The following CLVS1 variants were observed in gnomAD, a reference collection of about 807,000 sequenced individuals.
CLVS1 encodes the protein clavesin-1.
CLVS1 carries 10 observed loss-of-function variants against 33.1 expected under a neutral mutation model. The observed-to-expected ratio is 0.30, with a 90% CI of 0.19 to 0.51. The LOEUF is 0.51. Among genes scored for constraint, CLVS1 ranks in the 20% least tolerant of loss-of-function variants. The pLI is 0.97. For missense variants in CLVS1, 343 were observed against 433.4 expected, an observed-to-expected ratio of 0.79 and a Z score of 1.85; for synonymous variants, 163 against 166.1, an observed-to-expected ratio of 0.98 and a Z score of 0.14.
rs1417611137 is a variant in CLVS1, at chr8:61,458,430, G to A, written c.865G>A (p.Gly289Ser). Reference sequence around the variant, plus strand: ...GGGAACTTGGGCCCGGACGTTACTCGGTCCCGACTACAGCGATGAAAATGA... The same window carrying A: ...GGGAACTTGGGCCCGGACGTTACTCAGTCCCGACTACAGCGATGAAAATGA... Reference protein sequence around the residue: ...DMGTWARTLLGPDYSDENDYT... With the variant: ...DMGTWARTLLSPDYSDENDYT... The change falls in exon 5 of 6, where the codon GGT becomes AGT. Residue 289 changes from glycine to serine, a missense_variant. By Grantham distance (56) the Gly-to-Ser change is moderately conservative. Around this residue, in one of 4 missense-constraint regions of CLVS1, gnomAD observed 86 missense variants for 95.0 expected, o/e 0.91. Coordinates refer to ENST00000325897, the MANE Select transcript of CLVS1 (RefSeq NM_173519.3). 2.5e-6 allele frequency: 4 copies of A among 1,613,986 alleles called. No homozygotes were observed. Among genetic ancestry groups the A allele is most frequent in the East Asian group, 2.2e-5 (1 of 44,868 alleles).
At chr8:61,449,831 C>T (rs979792944) in intron 3 of CLVS1, among the ~76,000 whole-genome samples, 1 of 152,160 alleles carries the variant, frequency 6.6e-6, no homozygotes. Flanking sequence ...TTCTTCTCTC[C>T]ACCTTTGAAG....
At chr8:60,967,533 G>T in the CLVS1 span, 3 of 410,964 alleles carry the variant, frequency 7.3e-6, no homozygotes, top group Non-Finnish European at 1.5e-5. Flanking sequence ...GAAGGGGACG[G>T]CTTGAGGTGT....
chr8:61,289,274 G>T (rs765618591), intron 1 of CLVS1, among the ~76,000 whole-genome samples: 5 of 152,212 alleles, frequency 3.3e-5, no homozygotes, highest in African/African-American at 4.8e-5. Context: ...ACTCCATTCT[G>T]CCAGGCTCTG....
the CLVS1 span, among the ~76,000 whole-genome samples, chr8:61,025,372 C>T: frequency 1.3e-5 from 2 of 152,210 alleles, no homozygotes; most frequent in Admixed American, 1.3e-4. Flanking sequence ...TCATTCTACT[C>T]TTCAAGCAAG....
the CLVS1 span, among the ~76,000 whole-genome samples, chr8:61,012,973 G>A: frequency 6.6e-6 from 1 of 152,180 alleles, no homozygotes. Context: ...CCTGCCGGAG[G>A]GAAACTTGTC....
At position 61,355,844 on chromosome 8, in the gene CLVS1, TG is replaced by T. The variant is rs530681101; in HGVS notation, c.456-20760del. ...GACATTTGGGTTGGTTCCAAGTTTT[TG>T]CTATTGTGAATAGTGCCGCAATAAA... On this transcript the variant is annotated intron_variant, in intron 2 of 5. Transcript: ENST00000325897. 6.2e-3 allele frequency among the ~76,000 whole-genome samples: 952 copies of T among 152,362 alleles called. 12 individuals carry two copies. The highest frequency in any genetic ancestry group is 0.026 in the Admixed American group (399 of 15,302).
At chr8:61,337,532 A>G (rs1427500258) in intron 2 of CLVS1, among the ~76,000 whole-genome samples, 1 of 152,108 alleles carries the variant, frequency 6.6e-6, no homozygotes, top group African/African-American at 2.4e-5. Flanking sequence ...CCGCCCTTCC[A>G]AAAGCACAAC....
intron 2 of CLVS1, among the ~76,000 whole-genome samples, chr8:61,339,153 A>G (rs547789364): frequency 6.6e-6 from 1 of 152,236 alleles, no homozygotes; most frequent in South Asian, 2.1e-4. Context: ...GGAGGCCAGC[A>G]TGAGCTGCTA....
chr8:61,195,477 T>A (rs1268016095), intron 2 of CLVS1, among the ~76,000 whole-genome samples: 1 of 152,094 alleles, frequency 6.6e-6, no homozygotes, highest in African/African-American at 2.4e-5. Flanking sequence ...CAGCTGGTGC[T>A]TGCTTAGTTT....
Position 61,407,562 on chromosome 8 carries a change from AACG to A in CLVS1, c.630+30785_630+30787del, listed in dbSNP as rs1321447130. Among the ~76,000 whole-genome samples the A allele has an allele frequency of 5.3e-5, 8 of 152,350 alleles. 1 individual carries two copies. Among genetic ancestry groups the A allele is most frequent in the African/African-American group, 1.4e-4 (6 of 41,584 alleles). ...AAAGAAACATTTCATTGTGGGTGACAACGAATTTTGTGCAACTGATTTTTAAAT... is the reference window on the plus strand; with the variant it reads ...AAAGAAACATTTCATTGTGGGTGACAAATTTTGTGCAACTGATTTTTAAAT... On this transcript the variant is annotated intron_variant, in intron 3 of 5. Coordinates refer to ENST00000325897, the MANE Select transcript of CLVS1 (RefSeq NM_173519.3).
At chr8:61,342,627 A>G (rs1382322962) in intron 2 of CLVS1, among the ~76,000 whole-genome samples, 1 of 152,210 alleles carries the variant, frequency 6.6e-6, no homozygotes, top group Non-Finnish European at 1.5e-5. Context: ...ACCTTTGGCG[A>G]AAAACATGAG....
intron 3 of CLVS1, among the ~76,000 whole-genome samples, chr8:61,453,899 G>A (rs190581530): frequency 9.7e-4 from 147 of 152,266 alleles, no homozygotes; most frequent in Middle Eastern, 3.4e-3. Context: ...AAAAAGACAG[G>A]CCTGGAACCC....
intron 2 of CLVS1, among the ~76,000 whole-genome samples, chr8:61,177,315 G>T (rs1321413194): frequency 6.6e-6 from 1 of 152,160 alleles, no homozygotes; most frequent in Non-Finnish European, 1.5e-5. Flanking sequence ...AGGGGCTCAG[G>T]GTCAGAACTC....
At chr8:61,174,756 C>A (rs1807080018) in intron 2 of CLVS1, among the ~76,000 whole-genome samples, 1 of 143,432 alleles carries the variant, frequency 7.0e-6, no homozygotes, top group Non-Finnish European at 1.5e-5. Context: ...CAAGAACTTA[C>A]AATTTAATTG....
the CLVS1 span, among the ~76,000 whole-genome samples, chr8:60,991,833 A>G: frequency 2.1e-5 from 3 of 143,320 alleles, no homozygotes; most frequent in African/African-American, 5.2e-5. Flanking sequence ...TGTAACCTCC[A>G]TCTCCCGGGT....
intron 2 of CLVS1, among the ~76,000 whole-genome samples, chr8:61,259,513 T>C (rs915644164): frequency 1.3e-5 from 2 of 152,210 alleles, no homozygotes; most frequent in Non-Finnish European, 2.9e-5. Flanking sequence ...GCATCTATCA[T>C]ATGCAGTCCT....
At chr8:61,201,219 G>A (rs1480747705) in intron 2 of CLVS1, among the ~76,000 whole-genome samples, 1 of 152,148 alleles carries the variant, frequency 6.6e-6, no homozygotes, top group Admixed American at 6.5e-5. Flanking sequence ...TTGCTTTTAA[G>A]GAATAAGATA....
intron 3 of CLVS1, among the ~76,000 whole-genome samples, chr8:61,431,849 C>G (rs1037601134): frequency 6.6e-6 from 1 of 152,128 alleles, no homozygotes; most frequent in Non-Finnish European, 1.5e-5. Flanking sequence ...CTGTGTTTTC[C>G]CACATGGTTA....
chr8:61,195,635 A>G (rs1057067830), intron 2 of CLVS1, among the ~76,000 whole-genome samples: 1 of 152,060 alleles, frequency 6.6e-6, no homozygotes, highest in Admixed American at 6.6e-5. Flanking sequence ...CATTAGATTC[A>G]TGCAATATGA....
Sources: gnomAD v4.1 joint callset for allele counts (sites outside exome capture counted in the v4.1 genomes callset) on GRCh38, gnomAD v4.1.1 for gene constraint, gnomAD v4.1.1 regional missense constraint, MANE v1.5 for transcripts, NCBI Gene and HGNC (gene_info 2026-07-23, HGNC 2026-07-21) for gene names.